The following PSMD9 variants were observed in gnomAD, a reference collection of about 807,000 sequenced individuals.
PSMD9 encodes the protein 26S proteasome non-ATPase regulatory subunit 9.
A neutral mutation model predicts 25.9 loss-of-function variants in PSMD9; 26 were observed. The ratio of observed to expected loss-of-function variants is 1.00; its 90% CI spans 0.73 to 1.39. PSMD9 has a LOEUF of 1.39. Among genes scored for constraint, PSMD9 ranks in the 40% most tolerant of loss-of-function variants. PSMD9 has a pLI of 0.00. For missense variants in PSMD9, 303 were observed against 299.3 expected (o/e 1.01, Z -0.09); for synonymous variants, 110 against 114.5 (o/e 0.96, Z 0.25).
intron 4 of PSMD9, among the ~76,000 whole-genome samples, chr12:121,913,430 T>C (rs1447514065): frequency 6.6e-6 from 1 of 151,974 alleles, no homozygotes; most frequent in Non-Finnish European, 1.5e-5. Flanking sequence ...GTATAGGAGT[T>C]CTTTATATGT....
At chr12:121,899,516 A>T (rs1592943229) in intron 2 of PSMD9, 118 bp from the exon 3 acceptor site, 1 of 960,084 alleles carries the variant, frequency 1.0e-6, no homozygotes, top group African/African-American at 1.7e-5. Flanking sequence ...ACTCCTTCTC[A>T]CCTCTAGCTC....
At chr12:121,903,699 TCTC>T (rs1437549006) in intron 4 of PSMD9, among the ~76,000 whole-genome samples, 1 of 150,996 alleles carries the variant, frequency 6.6e-6, no homozygotes, top group Admixed American at 6.6e-5. Flanking sequence ...CAAATTCCCC[TCTC>T]CTCTGCCCTG....
intron 1 of PSMD9, among the ~76,000 whole-genome samples, chr12:121,893,042 G>C (rs1486125780): frequency 1.3e-5 from 2 of 152,216 alleles, no homozygotes; most frequent in Non-Finnish European, 2.9e-5. Flanking sequence ...CTTGACAATT[G>C]CAGGATTGTA....
rs987112164 is a variant in PSMD9, at chr12:121,888,791, C to A, written c.-66C>A. 8.4e-6 allele frequency: 13 copies of A among 1,543,852 alleles called. No individual in the cohort carries two copies. The East Asian group carries it at 2.6e-4, about 31-fold the overall frequency. ...TGGCGCATGGGCGGAGCCGTAGTTA[C>A]GGTCGACTGGGGCGTCGTCCCTAGC... On this transcript the variant is annotated 5_prime_UTR_variant, in exon 1 of 6. Transcript: ENST00000541212.
intron 4 of PSMD9, among the ~76,000 whole-genome samples, chr12:121,907,025 T>C (rs73415613): frequency 0.014 from 2,086 of 152,050 alleles, 52 homozygotes; most frequent in African/African-American, 0.047. Context: ...TTAGATAGTT[T>C]GCCATTTTGT....
In PSMD9 at chr12:121,915,963, T is replaced by A; in HGVS notation, c.644+19T>A. On this transcript the variant is annotated intron_variant, in intron 5 of 5. Transcript: ENST00000541212. ...TGCTGGGGTAAAGTATCTGTTTCTG[T>A]TCATTCTCACTGGGGCATCATTTGA... 6 of 1,606,678 alleles carry A rather than the reference T, an allele frequency of 3.7e-6. No homozygotes were observed. The highest frequency in any genetic ancestry group is 5.1e-6 in the Non-Finnish European group (6 of 1,174,046).
intron 3 of PSMD9, among the ~76,000 whole-genome samples, chr12:121,901,715 G>T (rs1170346238): frequency 1.7e-5 from 2 of 117,556 alleles, no homozygotes; most frequent in African/African-American, 3.6e-5. Context: ...TCGCTCTGTC[G>T]CCCAGGCTGG....
chr12:121,904,357 G>A (rs1350614320), intron 4 of PSMD9, among the ~76,000 whole-genome samples: 3 of 148,898 alleles, frequency 2.0e-5, no homozygotes, highest in South Asian at 4.2e-4. Context: ...GGTGGATCAC[G>A]AAGTCAGGAG....
At chr12:121,894,622 G>A in intron 1 of PSMD9, 117 bp from the exon 2 acceptor site, 2 of 812,848 alleles carry the variant, frequency 2.5e-6, no homozygotes, top group Non-Finnish European at 4.1e-6. Context: ...TGATCAGTAT[G>A]TGGCAGTTTT....
chr12:121,908,008 G>A (rs1372947539), intron 4 of PSMD9: 1 of 152,124 alleles, frequency 6.6e-6, no homozygotes, highest in Non-Finnish European at 1.5e-5. Context: ...CTGCACTCCA[G>A]CCTGGATGAC....
chr12:121,911,287 G>A (rs1256618309), intron 4 of PSMD9, among the ~76,000 whole-genome samples: 5 of 152,116 alleles, frequency 3.3e-5, no homozygotes, highest in Non-Finnish European at 7.3e-5. Flanking sequence ...TGATCTGCCT[G>A]CCTCTGCCTC....
At chr12:121,902,200 C>A (rs943417832) in intron 3 of PSMD9, 1 of 152,170 alleles carries the variant, frequency 6.6e-6, no homozygotes, top group Non-Finnish European at 1.5e-5. Context: ...TCATTTCATC[C>A]TCGAGGAAAA....
intron 4 of PSMD9, among the ~76,000 whole-genome samples, chr12:121,905,877 A>C (rs1181894342): frequency 2.0e-5 from 3 of 151,862 alleles, no homozygotes; most frequent in Non-Finnish European, 2.9e-5. Context: ...CATTGCCACC[A>C]CGATGAAGGT....
intron 4 of PSMD9, among the ~76,000 whole-genome samples, chr12:121,904,238 C>T (rs904539750): frequency 1.3e-5 from 2 of 150,852 alleles, no homozygotes; most frequent in South Asian, 2.1e-4. Flanking sequence ...ATGGCTCTTG[C>T]ATTTTGTGTC....
intron 4 of PSMD9, chr12:121,911,032 T>C (rs980483538): frequency 1.3e-5 from 6 of 450,740 alleles, no homozygotes; most frequent in Non-Finnish European, 2.7e-5. Context: ...CTGTGTAGTT[T>C]TTTTGTTTTG....
At chr12:121,907,865 C>CT (rs1487731256) in intron 4 of PSMD9, among the ~76,000 whole-genome samples, 1 of 152,022 alleles carries the variant, frequency 6.6e-6, no homozygotes, top group Non-Finnish European at 1.5e-5. Context: ...TATTGTGAGA[C>CT]TGTGTCTCTC....
chr12:121,903,143 G>A, intron 4 of PSMD9, 36 bp downstream of exon 4: 1 of 1,557,668 alleles, frequency 6.4e-7, no homozygotes, highest in Non-Finnish European at 8.9e-7. Context: ...GTCTGTTTGG[G>A]TTTTTCTAAC....
intron 4 of PSMD9, among the ~76,000 whole-genome samples, chr12:121,905,405 T>C (rs1291052901): frequency 7.3e-5 from 11 of 151,272 alleles, no homozygotes; most frequent in Non-Finnish European, 1.5e-4. Flanking sequence ...TTTGTATTTT[T>C]AGTAGAGATG....
At position 121,900,279 on chromosome 12, in the gene PSMD9, C is replaced by T. The variant is rs184807766; in HGVS notation, c.453+434C>T. Reference sequence around the variant, plus strand: ...ATCCCAGCACTTGAGAAGGCTGAGGCGACTTGGAAAGCTGAGATGGGAGGA... The same window carrying T: ...ATCCCAGCACTTGAGAAGGCTGAGGTGACTTGGAAAGCTGAGATGGGAGGA... On this transcript the variant is annotated intron_variant, in intron 3 of 5. Transcript: ENST00000541212. Among the ~76,000 whole-genome samples, 177 of 152,186 alleles carry T rather than the reference C, an allele frequency of 1.2e-3. 5 individuals carry two copies. The highest frequency in any genetic ancestry group is 4.1e-4 in the South Asian group (2 of 4,822).
Sources: allele counts gnomAD v4.1 joint callset (sites outside exome capture counted in the v4.1 genomes callset), GRCh38; gene constraint gnomAD v4.1.1; transcripts MANE v1.5; gene names NCBI Gene and HGNC (gene_info 2026-07-23, HGNC 2026-07-21).